CKAP2: variants seen among roughly 807,000 people sequenced by gnomAD.
CKAP2 encodes cytoskeleton associated protein 2.
A neutral mutation model predicts 58.4 loss-of-function variants in CKAP2; 46 were observed. The observed-to-expected ratio is 0.79, with a 90% CI of 0.62 to 1.01. CKAP2 has a LOEUF of 1.01. Ranked by LOEUF, CKAP2 falls within the 50% of genes least tolerant of loss-of-function variation. The pLI is 0.00. For synonymous variants in CKAP2, 293 were observed against 280.9 expected (o/e 1.04, Z -0.43); for missense variants, 809 against 796.4 (o/e 1.02, Z -0.19).
chr13:52,455,674 G>T, intron 1 of CKAP2, 48 bp downstream of exon 1: 1 of 928,678 alleles, frequency 1.1e-6, no homozygotes, highest in Non-Finnish European at 1.6e-6. Flanking sequence ...TGGCGGTGGC[G>T]GGCGCGGGCC....
chr13:52,459,426 G>A lies in CKAP2; in HGVS notation c.156-1473G>A, dbSNP rs867647554. 2.8e-4 allele frequency among the ~76,000 whole-genome samples: 43 copies of A among 152,128 alleles called. No individual in the cohort carries two copies. The Middle Eastern group carries it at 0.01, about 36-fold the overall frequency. Reference sequence around the variant, plus strand: ...CAACCTCTGCCTCGTGGGTTCAAGCGATTCTCCTGCCTCAGCCTCCAGGGT... The same window carrying A: ...CAACCTCTGCCTCGTGGGTTCAAGCAATTCTCCTGCCTCAGCCTCCAGGGT... On this transcript the variant is annotated intron_variant, in intron 2 of 8. Coordinates refer to ENST00000258607, the MANE Select transcript of CKAP2 (RefSeq NM_018204.5).
At chr13:52,455,695 G>C in intron 1 of CKAP2, 69 bp downstream of exon 1, 1 of 1,389,288 alleles carries the variant, frequency 7.2e-7, no homozygotes, top group African/African-American at 1.6e-5. Context: ...CGGCGGTCGG[G>C]GCTCGGGGCC....
rs1023837900 is a variant in CKAP2 at position 52,465,353 on chromosome 13, A to G, written c.1364A>G (p.Asp455Gly). The change falls in exon 6 of 9, where the codon GAT (aspartate) becomes GGT (glycine). Residue 455 changes from aspartate (D) to glycine (G), a missense_variant. By Grantham distance (94) the Asp-to-Gly change is moderately conservative. Around this residue, in one of 3 missense-constraint regions of CKAP2, gnomAD observed 283 missense variants for 287.6 expected, o/e 0.98. Coordinates refer to ENST00000258607, the MANE Select transcript of CKAP2 (RefSeq NM_018204.5). ...TLNDLIKNIPDAKKLVKYWIC... is the reference protein window; with the variant it reads ...TLNDLIKNIPGAKKLVKYWIC... Reference sequence around the variant, plus strand: ...AATGACCTGATTAAAAATATTCCAGATGCCAAAAAGCTTGTTAAGTATTGG... The same window carrying G: ...AATGACCTGATTAAAAATATTCCAGGTGCCAAAAAGCTTGTTAAGTATTGG... The G allele has an allele frequency of 5.6e-6, 9 of 1,613,414 alleles. No individual in the cohort carries two copies. The Admixed American group carries it at 8.3e-5, about 15-fold the overall frequency.
At chr13:52,471,841 A>G (rs1195833889) in intron 7 of CKAP2, among the ~76,000 whole-genome samples, 2 of 152,200 alleles carry the variant, frequency 1.3e-5, no homozygotes, top group Non-Finnish European at 2.9e-5. Context: ...TACCTAGACT[A>G]TAACAGTGGT....
At chr13:52,468,189 A>T in intron 6 of CKAP2, 89 bp from the exon 7 acceptor site, 3 of 729,374 alleles carry the variant, frequency 4.1e-6, no homozygotes, top group Non-Finnish European at 7.0e-6. Flanking sequence ...AAAATACAGT[A>T]TGAAAATTTA....
intron 5 of CKAP2, among the ~76,000 whole-genome samples, chr13:52,464,634 A>G (rs1958636460): frequency 6.6e-6 from 1 of 151,404 alleles, no homozygotes; most frequent in South Asian, 2.1e-4. Context: ...GAATTTTGCT[A>G]TTTGGACCAA....
chr13:52,458,772 G>T (rs918696059), intron 2 of CKAP2, among the ~76,000 whole-genome samples: 1 of 151,802 alleles, frequency 6.6e-6, no homozygotes, highest in African/African-American at 2.4e-5. Context: ...CAGAAGAATC[G>T]CTTGAACCTG....
At position 52,462,073 on chromosome 13, in the gene CKAP2, A is replaced by G. The variant is rs1958594783; in HGVS notation, c.1100+147A>G. The G allele has an allele frequency of 6.1e-6, 5 of 821,164 alleles. No homozygotes were observed. The South Asian group carries it at 1.2e-4, about 19-fold the overall frequency. 50.9% of individuals were successfully genotyped at this position (821,164 alleles called of 1,614,324 possible). On this transcript the variant is annotated intron_variant, in intron 4 of 8. Coordinates refer to ENST00000258607, the MANE Select transcript of CKAP2 (RefSeq NM_018204.5). ...AGGCAAATTTATATTGTGGAACAAT[A>G]TGACCTAAAAGTTTTTGTGTTTGAG...
At chr13:52,474,343 G>T (rs1958800342) in intron 8 of CKAP2, among the ~76,000 whole-genome samples, 1 of 151,942 alleles carries the variant, frequency 6.6e-6, no homozygotes, top group African/African-American at 2.4e-5. Flanking sequence ...AAAAATTTTG[G>T]CTGGGCAAGG....
At chr13:52,470,382 G>C (rs1958745409) in intron 7 of CKAP2, among the ~76,000 whole-genome samples, 1 of 152,144 alleles carries the variant, frequency 6.6e-6, no homozygotes, top group African/African-American at 2.4e-5. Context: ...TGGGATGACA[G>C]GTGTGAGCCA....
intron 1 of CKAP2, 23 bp downstream of exon 1, chr13:52,455,649 C>G: frequency 2.0e-5 from 6 of 296,504 alleles, no homozygotes; most frequent in Non-Finnish European, 3.2e-5. Context: ...GTGGCGGTGG[C>G]GGTGGCGGTG....
intron 7 of CKAP2, among the ~76,000 whole-genome samples, chr13:52,469,751 C>A (rs1005027797): frequency 6.6e-5 from 10 of 150,630 alleles, no homozygotes; most frequent in African/African-American, 2.4e-4. Flanking sequence ...CGCCCGCCAC[C>A]GCGCCCGGCT....
At chr13:52,465,948 T>TATATATACACAC (rs1566102138) in intron 6 of CKAP2, 7 of 157,508 alleles carry the variant, frequency 4.4e-5, no homozygotes, top group Non-Finnish European at 7.9e-5. Flanking sequence ...TATATACACA[T>TATATATACACAC]ATATATGCAC....
At chr13:52,468,067 C>G (rs937567422) in intron 6 of CKAP2, among the ~76,000 whole-genome samples, 2 of 152,114 alleles carry the variant, frequency 1.3e-5, no homozygotes, top group Non-Finnish European at 2.9e-5. Flanking sequence ...GTCTAGGCCT[C>G]CCAAAGTGCT....
At chr13:52,474,129 TAATA>T (rs759100907) in intron 8 of CKAP2, 45 bp downstream of exon 8, 13 of 1,550,834 alleles carry the variant, frequency 8.4e-6, no homozygotes, top group South Asian at 1.2e-5. Context: ...TGCTTGGAGA[TAATA>T]AATAACGGCA....
rs1470146431 is a variant in CKAP2, at chr13:52,476,480, TTAA to T, written c.*1341_*1343del. On this transcript the variant is annotated 3_prime_UTR_variant, in exon 9 of 9. Coordinates refer to ENST00000258607, the MANE Select transcript of CKAP2 (RefSeq NM_018204.5). ...AGGTTTTTGACACTTAAGTACATGC[TTAA>T]TGATATATTTTCAAAAGTCATCAGT... The T allele has an allele frequency of 6.6e-6, 1 of 152,232 alleles. No homozygotes were observed. The highest frequency in any genetic ancestry group is 2.4e-5 in the African/African-American group (1 of 41,466). 9.4% of individuals were successfully genotyped at this position (152,232 alleles called of 1,614,324 possible).
In CKAP2 at chr13:52,474,932, G is replaced by A. The variant is rs751385274; in HGVS notation, c.1840G>A (p.Ala614Thr). The change falls in exon 9 of 9, where the codon GCA becomes ACA. Residue 614 changes from alanine to threonine, a missense_variant. Transcript: ENST00000258607. ...KKVQFDGTNS[A>T]FKELKFLTPV... The stretch of plus-strand genomic sequence containing the variant: ...GGTGCAGTTTGATGGAACAAATTCC[G>A]CATTTAAAGAGCTGAAGTTTTTAAC... 1.4e-5 allele frequency: 23 copies of A among 1,611,164 alleles called. No individual in the cohort carries two copies. The Admixed American group carries it at 2.0e-4, about 14-fold the overall frequency.
chr13:52,461,062 A>G lies in CKAP2; in HGVS notation c.236A>G (p.Asp79Gly). Residue 79 changes from aspartate (D) to glycine (G), a missense_variant, in exon 4 of 9, where the codon GAT becomes GGT. Around this residue, in one of 3 missense-constraint regions of CKAP2, gnomAD observed 523 missense variants for 492.4 expected, o/e 1.06. Coordinates refer to ENST00000258607, the MANE Select transcript of CKAP2 (RefSeq NM_018204.5). ...KVLKLKTKMA[D>G]KENMKRPAES... ...TTTCTTAAATAATTCTTTCAGGCTG[A>G]TAAAGAAAACATGAAGAGACCTGCA... 3 of 1,598,624 alleles carry G rather than the reference A, an allele frequency of 1.9e-6. No homozygotes were observed. The highest frequency in any genetic ancestry group is 2.6e-6 in the Non-Finnish European group (3 of 1,175,118).
intron 7 of CKAP2, among the ~76,000 whole-genome samples, chr13:52,471,162 GA>G (rs915513585): frequency 6.6e-6 from 1 of 150,912 alleles, no homozygotes; most frequent in Non-Finnish European, 1.5e-5. Flanking sequence ...GTGTCAAAAA[GA>G]AAAATAAAAA....
Sources: allele counts gnomAD v4.1 joint callset (sites outside exome capture counted in the v4.1 genomes callset), GRCh38; gene constraint gnomAD v4.1.1; regional missense constraint gnomAD v4.1.1; transcripts MANE v1.5; gene names NCBI Gene and HGNC (gene_info 2026-07-23, HGNC 2026-07-21).